Variants in LRMDA observed in about 807,000 individuals in gnomAD.
LRMDA encodes the protein leucine-rich melanocyte differentiation-associated protein.
In LRMDA, 18 loss-of-function variants were observed where a neutral mutation model predicts 29.8. The observed-to-expected ratio is 0.60, with a 90% confidence interval of 0.42 to 0.90. The LOEUF (loss-of-function observed/expected upper bound fraction) is 0.90. Ranked by LOEUF, LRMDA falls within the 40% of genes least tolerant of loss-of-function variation. LRMDA has a pLI of 0.00. For synonymous variants in LRMDA, 125 were observed against 109.4 expected (o/e 1.14, Z -0.89); for missense variants, 273 against 273.9 (o/e 1.00, Z 0.02).
chr10:75,556,174 G>A lies in LRMDA; in HGVS notation c.131+117680G>A, dbSNP rs1409313908. ...TAGAGTCAAGAAGCTCAATCATTAAGCAGGATTAATTTAATGAAAACCACA... is the reference window on the plus strand; with the variant it reads ...TAGAGTCAAGAAGCTCAATCATTAAACAGGATTAATTTAATGAAAACCACA... On this transcript the variant is annotated intron_variant, in intron 2 of 6. Coordinates refer to ENST00000611255, the MANE Select transcript of LRMDA (RefSeq NM_001305581.2). 2.0e-5 allele frequency among the ~76,000 whole-genome samples: 3 copies of A among 152,050 alleles called. No homozygotes were observed. The East Asian group carries it at 5.8e-4, about 29-fold the overall frequency.
At chr10:76,163,364 CT>C (rs528759407) in intron 5 of LRMDA, among the ~76,000 whole-genome samples, 2 of 152,212 alleles carry the variant, frequency 1.3e-5, no homozygotes, top group Admixed American at 6.5e-5. Flanking sequence ...CAGGATGGGA[CT>C]TTTTTTATTA....
chr10:76,090,041 C>T (rs1289366413), intron 5 of LRMDA, among the ~76,000 whole-genome samples: 1 of 152,122 alleles, frequency 6.6e-6, no homozygotes, highest in Non-Finnish European at 1.5e-5. Flanking sequence ...TAGTCACTGG[C>T]AATGTCAGCA....
rs555182190 is a variant in LRMDA at position 76,209,389 on chromosome 10, C to T, written c.517-115012C>T. On this transcript the variant is annotated intron_variant, in intron 5 of 6. Coordinates refer to ENST00000611255, the MANE Select transcript of LRMDA (RefSeq NM_001305581.2). ...TCGCCTCCTTGTGTGACTGCTGTGG[C>T]CTGCTGAGAACTTGCTGCTCATGTT... 2.6e-5 allele frequency among the ~76,000 whole-genome samples: 4 copies of T among 152,164 alleles called. No individual in the cohort carries two copies. In the East Asian group the frequency reaches 7.7e-4, roughly 29 times the overall value.
At chr10:75,501,583 A>T (rs185938155) in intron 2 of LRMDA, among the ~76,000 whole-genome samples, 56 of 152,276 alleles carry the variant, frequency 3.7e-4, no homozygotes, top group African/African-American at 9.9e-4. Flanking sequence ...TCTATGGTGA[A>T]ATTTTTATCC....
chr10:76,345,162 G>A (rs1190675172), intron 6 of LRMDA, among the ~76,000 whole-genome samples: 1 of 145,084 alleles, frequency 6.9e-6, no homozygotes, highest in Non-Finnish European at 1.5e-5. Context: ...CGCCTCCCGG[G>A]TTCACGCCAT....
In LRMDA at chr10:75,711,399, T is replaced by C. The variant is rs1319390167; in HGVS notation, c.131+272905T>C. 2.0e-5 allele frequency among the ~76,000 whole-genome samples: 3 copies of C among 152,200 alleles called. No individual in the cohort carries two copies. The East Asian group carries it at 5.8e-4, about 29-fold the overall frequency. On this transcript the variant is annotated intron_variant, in intron 2 of 6. Transcript: ENST00000611255. ...ATCAAGTCACATACATGAAAATGCTTTGCAGGTACCTCCCAAATGCTAGGT... is the reference window on the plus strand; with the variant it reads ...ATCAAGTCACATACATGAAAATGCTCTGCAGGTACCTCCCAAATGCTAGGT...
At chr10:75,577,752 G>C (rs1039400562) in intron 2 of LRMDA, among the ~76,000 whole-genome samples, 2 of 152,154 alleles carry the variant, frequency 1.3e-5, no homozygotes, top group Admixed American at 1.3e-4. Context: ...TTAAAGAAAA[G>C]AATTTTCAAC....
chr10:75,873,426 A>G (rs1845145376), intron 2 of LRMDA, among the ~76,000 whole-genome samples: 1 of 152,206 alleles, frequency 6.6e-6, no homozygotes, highest in Non-Finnish European at 1.5e-5. Flanking sequence ...TAAACCAGAG[A>G]GAGGAAAAAA....
intron 1 of LRMDA, 115 bp downstream of exon 1, chr10:75,431,869 G>C (rs1844202589): frequency 4.7e-6 from 5 of 1,061,438 alleles, no homozygotes; most frequent in Non-Finnish European, 6.0e-6. Flanking sequence ...AGGGGGCTGC[G>C]TCTGCAGGGG....
At chr10:76,365,903 A>T (rs1291049232) in intron 6 of LRMDA, among the ~76,000 whole-genome samples, 2 of 152,218 alleles carry the variant, frequency 1.3e-5, no homozygotes, top group Non-Finnish European at 2.9e-5. Flanking sequence ...TCCTTAATCC[A>T]TCTTGAGTTG....
chr10:75,614,238 A>G (rs1215112714), intron 2 of LRMDA, among the ~76,000 whole-genome samples: 1 of 151,920 alleles, frequency 6.6e-6, no homozygotes, highest in African/African-American at 2.4e-5. Context: ...TTTTGGGTGG[A>G]GGTCTGGCTG....
chr10:76,394,670 G>A (rs72817468), intron 6 of LRMDA, among the ~76,000 whole-genome samples: 3,649 of 152,234 alleles, frequency 0.024, 59 homozygotes, highest in Non-Finnish European at 0.037. Context: ...GGCTGAATGT[G>A]TGGCTCTTCA....
At chr10:76,086,696 G>A (rs892066067) in intron 5 of LRMDA, among the ~76,000 whole-genome samples, 16 of 152,158 alleles carry the variant, frequency 1.1e-4, no homozygotes, top group Non-Finnish European at 1.8e-4. Context: ...AATGAAAAAG[G>A]CATCACCGTG....
At chr10:76,453,721 A>C (rs1410310472) in intron 6 of LRMDA, among the ~76,000 whole-genome samples, 1 of 152,208 alleles carries the variant, frequency 6.6e-6, no homozygotes, top group East Asian at 1.9e-4. Context: ...GATCACATGG[A>C]TTTTGATGTA....
At chr10:76,395,939 T>G (rs1482503385) in intron 6 of LRMDA, among the ~76,000 whole-genome samples, 1 of 152,256 alleles carries the variant, frequency 6.6e-6, no homozygotes, top group Non-Finnish European at 1.5e-5. Flanking sequence ...ACATTTTGTT[T>G]TGCTTTATTT....
At chr10:75,578,215 CAAAAAAAAAAAAAA>C (rs1183989010) in intron 2 of LRMDA, among the ~76,000 whole-genome samples, 1 of 14,226 alleles carries the variant, frequency 7.0e-5, no homozygotes, top group African/African-American at 1.5e-4. Flanking sequence ...AAATGGAAAG[CAAAAAAAAAAAAAA>C]AAAAAAAAAA....
At chr10:75,916,910 C>T (rs1023070432) in intron 2 of LRMDA, among the ~76,000 whole-genome samples, 2 of 152,106 alleles carry the variant, frequency 1.3e-5, no homozygotes. Flanking sequence ...GCCTTTTTAG[C>T]CTAGGGGTTA....
chr10:76,015,301 G>T (rs1847862122), intron 2 of LRMDA, among the ~76,000 whole-genome samples: 1 of 152,240 alleles, frequency 6.6e-6, no homozygotes, highest in South Asian at 2.1e-4. Context: ...TGTGGTTAAG[G>T]CATGGAACAG....
At chr10:75,889,504 A>G (rs1029248880) in intron 2 of LRMDA, among the ~76,000 whole-genome samples, 4 of 152,108 alleles carry the variant, frequency 2.6e-5, no homozygotes, top group Admixed American at 1.3e-4. Flanking sequence ...TAACATTGCA[A>G]TGGATTATTA....
Sources: gnomAD v4.1 joint callset for allele counts (sites outside exome capture counted in the v4.1 genomes callset) on GRCh38, gnomAD v4.1.1 for gene constraint, MANE v1.5 for transcripts, NCBI Gene and HGNC (gene_info 2026-07-23, HGNC 2026-07-21) for gene names.